Variants in INO80 observed in about 807,000 individuals in gnomAD.
The protein encoded by INO80 is INO80 complex ATPase subunit.
A neutral mutation model predicts 203.4 loss-of-function variants in INO80; 20 were observed. The ratio of observed to expected loss-of-function variants is 0.10; its 90% CI spans 0.07 to 0.14. The LOEUF is 0.14. INO80 is among the 10% of genes least tolerant of loss of function. INO80 has a pLI of 1.00. For synonymous variants in INO80, 726 were observed against 685.2 expected (o/e 1.06, Z -0.93); for missense variants, 1,419 against 1,914.4 (o/e 0.74, Z 4.83).
intron 18 of INO80, 49 bp downstream of exon 18, chr15:41,055,198 T>C (rs1481486120): frequency 2.2e-6 from 2 of 908,592 alleles, no homozygotes; most frequent in Non-Finnish European, 3.4e-6. Flanking sequence ...AATTACGTGG[T>C]TGCCTACACT....
At chr15:41,085,318 G>T in intron 7 of INO80, 51 bp downstream of exon 7, 1 of 1,472,550 alleles carries the variant, frequency 6.8e-7, no homozygotes, top group Non-Finnish European at 9.5e-7. Flanking sequence ...TTTAGTGGGT[G>T]GGGAGAGAAA....
intron 27 of INO80, among the ~76,000 whole-genome samples, chr15:41,012,259 T>A (rs1396717844): frequency 6.6e-6 from 1 of 152,154 alleles, no homozygotes; most frequent in Non-Finnish European, 1.5e-5. Flanking sequence ...TCCCCTAGTA[T>A]GCCCAACAGC....
At chr15:41,075,151 T>C (rs2045383795) in intron 9 of INO80, among the ~76,000 whole-genome samples, 1 of 152,246 alleles carries the variant, frequency 6.6e-6, no homozygotes, top group South Asian at 2.1e-4. Context: ...TACATTACTT[T>C]TCTATGGTGG....
At chr15:41,076,833 A>G (rs1015382750) in intron 9 of INO80, among the ~76,000 whole-genome samples, 16 of 152,220 alleles carry the variant, frequency 1.1e-4, no homozygotes, top group African/African-American at 3.6e-4. Flanking sequence ...ATAAAATGAA[A>G]ACATAATCCA....
intron 23 of INO80, among the ~76,000 whole-genome samples, chr15:41,045,770 G>T (rs563063315): frequency 2.7e-5 from 4 of 147,406 alleles, no homozygotes; most frequent in African/African-American, 1.0e-4. Flanking sequence ...GCGTGGTTGT[G>T]CACGCCTGTA....
rs539163343 is a variant in INO80, at chr15:41,030,824, G to A, written c.2908-3088C>T. Among the ~76,000 whole-genome samples, 5 of 151,592 alleles carry A rather than the reference G, an allele frequency of 3.3e-5. No individual in the cohort carries two copies. In the East Asian group the frequency reaches 7.8e-4, roughly 24 times the overall value. On this transcript the variant is annotated intron_variant, in intron 24 of 35. Coordinates refer to ENST00000648947, the MANE Select transcript of INO80 (RefSeq NM_017553.3). Reference sequence around the variant, plus strand: ...CGAGTAGCTGGGATTACAGGTGTGCGCCACACCTGGCTAATTTTTGTATTT... The same window carrying A: ...CGAGTAGCTGGGATTACAGGTGTGCACCACACCTGGCTAATTTTTGTATTT...
chr15:41,006,535 T>C (rs975237253), intron 27 of INO80, among the ~76,000 whole-genome samples: 2 of 152,232 alleles, frequency 1.3e-5, no homozygotes, highest in Non-Finnish European at 2.9e-5. Context: ...GAAATGTTTG[T>C]GTTAATTAGT....
intron 4 of INO80, among the ~76,000 whole-genome samples, chr15:41,094,381 T>C (rs1162710202): frequency 6.6e-6 from 1 of 152,210 alleles, no homozygotes; most frequent in Admixed American, 6.6e-5. Context: ...TTGTTCCTTC[T>C]GACCGAAATG....
intron 5 of INO80, 28 bp downstream of exon 5, chr15:41,091,998 GT>G (rs1205085112): frequency 1.9e-6 from 3 of 1,569,076 alleles, no homozygotes; most frequent in Admixed American, 1.7e-5. Flanking sequence ...TGAATATTCA[GT>G]TTGAAGTGTT....
At chr15:41,096,046 T>G (rs890505864) in intron 2 of INO80, 118 bp from the exon 3 acceptor site, 7 of 1,415,240 alleles carry the variant, frequency 4.9e-6, no homozygotes, top group Non-Finnish European at 5.7e-6. Flanking sequence ...CTTTTTTATT[T>G]GAAAGAGGCA....
rs1893934301 is a variant in INO80, at chr15:40,984,102, T to C, written c.4077+95A>G. Reference sequence around the variant, plus strand: ...ACCTACTTCAACAAGGCTGGAGAACTCCAGGAGAAGCAAAGACTGCCCAGC... The same window carrying C: ...ACCTACTTCAACAAGGCTGGAGAACCCCAGGAGAAGCAAAGACTGCCCAGC... On this transcript the variant is annotated intron_variant, in intron 33 of 35. Transcript: ENST00000648947. 3.5e-6 allele frequency: 5 copies of C among 1,425,148 alleles called. No individual in the cohort carries two copies. The South Asian group carries it at 5.1e-5, about 15-fold the overall frequency. 88.3% of individuals were successfully genotyped at this position (1,425,148 alleles called of 1,614,324 possible).
chr15:41,017,131 G>C (rs2044222756), intron 26 of INO80: 1 of 152,210 alleles, frequency 6.6e-6, no homozygotes, highest in Non-Finnish European at 1.5e-5. Context: ...TTTCTCTGCA[G>C]TGAAGCTCCT....
chr15:41,114,215 C>T (rs935535933), intron 1 of INO80, among the ~76,000 whole-genome samples: 1 of 150,896 alleles, frequency 6.6e-6, no homozygotes, highest in African/African-American at 2.4e-5. Flanking sequence ...TGCAGTGAGC[C>T]GAGATCACGC....
chr15:41,090,857 T>C (rs539747961), intron 5 of INO80, among the ~76,000 whole-genome samples: 1 of 151,932 alleles, frequency 6.6e-6, no homozygotes, highest in Admixed American at 6.6e-5. Context: ...TAAGAACATA[T>C]CTTTTAGTCT....
At chr15:41,049,746 C>T (rs1382032835) in intron 20 of INO80, among the ~76,000 whole-genome samples, 189 bp downstream of exon 20, 2 of 152,038 alleles carry the variant, frequency 1.3e-5, no homozygotes, top group Admixed American at 6.6e-5. Context: ...ATTAGCCAGG[C>T]GTGGTGGCAG....
At chr15:41,108,091 C>CTA (rs954221155) in intron 1 of INO80, among the ~76,000 whole-genome samples, 3 of 152,138 alleles carry the variant, frequency 2.0e-5, no homozygotes, top group African/African-American at 7.2e-5. Flanking sequence ...CAGAGCAATA[C>CTA]TATGTCTCAA....
rs758580578 is a variant in INO80, at chr15:40,984,290, T to C, written c.3984A>G (p.Pro1328=). 3 of 1,614,148 alleles carry C rather than the reference T, an allele frequency of 1.9e-6. No individual in the cohort carries two copies. The highest frequency in any genetic ancestry group is 2.2e-5 in the South Asian group (2 of 91,080). Residue 1328 remains proline (P), a synonymous_variant, in exon 33 of 36, where the codon CCA becomes CCG. Transcript: ENST00000648947. ...TGGAGTTATCAGCCGAGGGAACAAA[T>C]GGGATCACCAGGTTCACACCCTCTT... ...RRKEGVNLVI[P]FVPSADNSNL... is the part of the protein sequence containing the mutation.
chr15:41,096,622 G>GTGGGTA (rs1326336267), intron 1 of INO80, among the ~76,000 whole-genome samples: 1 of 152,110 alleles, frequency 6.6e-6, no homozygotes, highest in Non-Finnish European at 1.5e-5. Context: ...TTTCAAAACA[G>GTGGGTA]TATCTTAAAA....
At chr15:41,082,227 GTGA>G (rs2045495529) in intron 7 of INO80, among the ~76,000 whole-genome samples, 1 of 145,750 alleles carries the variant, frequency 6.9e-6, no homozygotes, top group African/African-American at 2.6e-5. Context: ...TCCAGCCTGG[GTGA>G]CAAGAGCAAA....
Sources: gnomAD v4.1 joint callset for allele counts (sites outside exome capture counted in the v4.1 genomes callset) on GRCh38, gnomAD v4.1.1 for gene constraint, MANE v1.5 for transcripts, NCBI Gene and HGNC (gene_info 2026-07-23, HGNC 2026-07-21) for gene names.